AHNAK: variants seen among roughly 807,000 people sequenced by gnomAD.
AHNAK encodes the protein neuroblast differentiation-associated protein AHNAK.
A neutral mutation model predicts 37.8 loss-of-function variants in AHNAK; 23 were observed. The observed-to-expected ratio is 0.61, with a 90% CI of 0.44 to 0.86. The LOEUF is 0.86. Ranked by LOEUF, AHNAK falls within the 40% of genes least tolerant of loss-of-function variation. AHNAK has a pLI of 0.00. For missense variants in AHNAK, 7,411 were observed against 7,319.4 expected (o/e 1.01, Z -0.46); for synonymous variants, 2,481 against 2,636.3 (o/e 0.94, Z 1.80).
intron 5 of AHNAK, among the ~76,000 whole-genome samples, chr11:62,447,109 C>T (rs56140048): frequency 6.6e-6 from 1 of 152,030 alleles, no homozygotes; most frequent in South Asian, 2.1e-4. Flanking sequence ...CATCTAGGGG[C>T]TACTTCTCAG....
rs1940033517 is a variant in AHNAK at position 62,516,826 on chromosome 11, G to A, written c.17591C>T (p.Ser5864Phe). ...SLASKKSRLS[S>F]SSSNDSGNKV... ...ATTCCCACTGTCATTGCTAGAAGAG[G>A]AGGACAGTCGGGACTTCTTAGAGGC... Residue 5864 changes from serine (S) to phenylalanine (F), a missense_variant, in exon 5 of 5, where the codon TCC becomes TTC. Transcript: ENST00000378024. 3 of 1,614,030 alleles carry A rather than the reference G, an allele frequency of 1.9e-6. No homozygotes were observed. Among genetic ancestry groups the A allele is most frequent in the East Asian group, 2.2e-5 (1 of 44,890 alleles).
Position 62,524,561 on chromosome 11 carries a change from T to A in AHNAK, c.9856A>T (p.Met3286Leu). 1.2e-6 allele frequency: 2 copies of A among 1,613,998 alleles called. No homozygotes were observed. ...LKGPKLKMPD[M>L]HVNMPKISMP... ...GAGATCTTGGGCATGTTTACATGCA[T>A]GTCAGGCATCTTCAGTTTTGGACCT... is the stretch of plus-strand genomic sequence containing the variant. Residue 3286 changes from methionine (M) to leucine (L), a missense_variant, in exon 5 of 5, where the codon ATG (methionine) becomes TTG (leucine). By Grantham distance (15) the Met-to-Leu change is conservative. Coordinates refer to ENST00000378024, the MANE Select transcript of AHNAK (RefSeq NM_001620.3).
intron 1 of AHNAK, among the ~76,000 whole-genome samples, chr11:62,544,276 C>A (rs1436656283): frequency 6.6e-6 from 1 of 152,222 alleles, no homozygotes; most frequent in African/African-American, 2.4e-5. Flanking sequence ...CTGTGTCCCA[C>A]CCCTGGCCCT....
At position 62,520,717 on chromosome 11, in the gene AHNAK, A is replaced by C; in HGVS notation, c.13700T>G (p.Ile4567Ser). Residue 4567 changes from isoleucine to serine, a missense_variant, in exon 5 of 5, where the codon ATT (isoleucine) becomes AGT (serine). Coordinates refer to ENST00000378024, the MANE Select transcript of AHNAK (RefSeq NM_001620.3). ...GPKVGIDTPDIDIHGPEGKLK... is the reference protein window; with the variant it reads ...GPKVGIDTPDSDIHGPEGKLK... ...TTTCCCTTCTGGACCATGAATGTCA[A>C]TATCAGGAGTGTCAATGCCCACTTT... 6.2e-7 allele frequency: 1 copy of C among 1,614,134 alleles called. No homozygotes were observed. Among genetic ancestry groups the C allele is most frequent in the Non-Finnish European group, 8.5e-7 (1 of 1,180,026 alleles).
intron 5 of AHNAK, among the ~76,000 whole-genome samples, chr11:62,438,318 G>A (rs1046899557): frequency 1.3e-5 from 2 of 151,694 alleles, no homozygotes; most frequent in African/African-American, 2.4e-5. Context: ...GAGTAGCTGG[G>A]ATTACAGGTG....
Position 62,526,996 on chromosome 11 carries a change from G to A in AHNAK, c.7421C>T (p.Ser2474Phe), listed in dbSNP as rs768437718. 3.1e-6 allele frequency: 5 copies of A among 1,614,004 alleles called. No individual in the cohort carries two copies. The South Asian group carries it at 4.4e-5, about 14-fold the overall frequency. Residue 2474 changes from serine (S) to phenylalanine (F), a missense_variant, in exon 5 of 5, where the codon TCT becomes TTT. By Grantham distance (155) the Ser-to-Phe change is radical (BLOSUM62 -2). Transcript: ENST00000378024. ...AAGTTTACCTTCTACCTCAGGCACA[G>A]ACACATCCACATCCCCCTTGATTTT... The part of the protein sequence containing the change: ...GPKIKGDVDV[S>F]VPEVEGKLEV...
At chr11:62,461,139 T>TCC (rs1414336129) in intron 5 of AHNAK, among the ~76,000 whole-genome samples, 1 of 100,864 alleles carries the variant, frequency 9.9e-6, no homozygotes, top group African/African-American at 3.8e-5. Context: ...CCGGCCAAAT[T>TCC]CCCCTTTTTT....
rs746098499 is a variant in AHNAK, at chr11:62,519,335, T to C, written c.15082A>G (p.Ile5028Val). The C allele has an allele frequency of 6.2e-7, 1 of 1,614,112 alleles. No homozygotes were observed. The highest frequency in any genetic ancestry group is 1.7e-5 in the Admixed American group (1 of 60,006). Residue 5028 changes from isoleucine (I) to valine (V), a missense_variant, in exon 5 of 5, where the codon ATT becomes GTT. Transcript: ENST00000378024. ...GKKSKFKMPK[I>V]HMSGPKIKAK... ...TTAATCTTAGGACCACTCATATGAA[T>C]TTTAGGCATTTTAAACTTACTTTTC... is the stretch of plus-strand genomic sequence containing the variant.
chr11:62,517,108 AAGG>A lies in AHNAK; in HGVS notation c.17306_17308del (p.Ser5769del). On this transcript the variant is annotated inframe_deletion, in exon 5 of 5. Transcript: ENST00000378024. ...GTGCCGTGGCTTCTTACTTTTAAAT[AAGG>A]AGAATTTGCCTTTCGGTGAAGAGGC... 1 of 1,613,510 alleles carries A rather than the reference AAGG, an allele frequency of 6.2e-7. No individual in the cohort carries two copies. The highest frequency in any genetic ancestry group is 1.1e-5 in the South Asian group (1 of 91,052).
exon 6 of AHNAK, chr11:62,433,669 A>C (rs1392443178): frequency 3.2e-5 from 20 of 620,254 alleles, no homozygotes; most frequent in Non-Finnish European, 2.8e-6. Flanking sequence ...AAAGAAATGC[A>C]CCAAGCAGGG....
chr11:62,469,168 C>T (rs528159573), intron 5 of AHNAK, among the ~76,000 whole-genome samples: 42 of 152,238 alleles, frequency 2.8e-4, no homozygotes, highest in African/African-American at 1.0e-3. Flanking sequence ...GTTGCCCAGG[C>T]TGGAGTGCAG....
At chr11:62,458,774 C>A (rs1590598307) in intron 5 of AHNAK, among the ~76,000 whole-genome samples, 1 of 138,772 alleles carries the variant, frequency 7.2e-6, no homozygotes, top group East Asian at 2.2e-4. Flanking sequence ...GAACCACCTG[C>A]ACCAGACTCA....
In AHNAK at chr11:62,531,195, C is replaced by T. The variant is rs1356840394; in HGVS notation, c.3222G>A (p.Leu1074=). 1.9e-6 allele frequency: 3 copies of T among 1,613,898 alleles called. No individual in the cohort carries two copies. Among genetic ancestry groups the T allele is most frequent in the Non-Finnish European group, 2.5e-6 (3 of 1,180,018 alleles). The change falls in exon 5 of 5, where the codon CTG becomes CTA. Residue 1074 remains leucine, a synonymous_variant. Coordinates refer to ENST00000378024, the MANE Select transcript of AHNAK (RefSeq NM_001620.3). ...APKMSLPDVD[L]DLKGPKMKGN... Reference sequence around the variant, plus strand: ...CTTTCATTTTGGGTCCTTTAAGATCCAGGTCAACATCTGGCAAAGACATCT... The same window carrying T: ...CTTTCATTTTGGGTCCTTTAAGATCTAGGTCAACATCTGGCAAAGACATCT...
intron 1 of AHNAK, 135 bp from the exon 2 acceptor site, chr11:62,536,702 C>G (rs1454721750): frequency 6.6e-6 from 1 of 152,380 alleles, no homozygotes; most frequent in Non-Finnish European, 1.5e-5. Flanking sequence ...CCGTCAATTC[C>G]ACTCGTCCAT....
intron 5 of AHNAK, among the ~76,000 whole-genome samples, chr11:62,456,082 G>A (rs1938651735): frequency 6.6e-6 from 1 of 152,024 alleles, no homozygotes; most frequent in Non-Finnish European, 1.5e-5. Context: ...AGAGACACCA[G>A]GGGTACACAA....
At chr11:62,543,666 G>A (rs1941204889) in intron 1 of AHNAK, among the ~76,000 whole-genome samples, 1 of 152,198 alleles carries the variant, frequency 6.6e-6, no homozygotes, top group Non-Finnish European at 1.5e-5. Context: ...CAGGAACGCT[G>A]GAAATTGCTC....
intron 5 of AHNAK, among the ~76,000 whole-genome samples, chr11:62,489,696 T>A (rs1422223251): frequency 6.6e-6 from 1 of 151,726 alleles, no homozygotes; most frequent in African/African-American, 2.4e-5. Context: ...AGCCCAGATG[T>A]GCAGCCCTGG....
chr11:62,433,835 C>T (rs751915609), exon 6 of AHNAK: 26 of 1,612,350 alleles, frequency 1.6e-5, no homozygotes, highest in East Asian at 2.2e-5. Flanking sequence ...CTCCAAAGAA[C>T]GGTCACAAAA....
chr11:62,453,570 A>T (rs1565199049), intron 5 of AHNAK, among the ~76,000 whole-genome samples: 1 of 152,162 alleles, frequency 6.6e-6, no homozygotes, highest in Admixed American at 6.5e-5. Flanking sequence ...GCACTGCACC[A>T]CTGCCTTGCA....
Sources: gnomAD v4.1 joint callset for allele counts (sites outside exome capture counted in the v4.1 genomes callset) on GRCh38, gnomAD v4.1.1 for gene constraint, MANE v1.5 for transcripts, NCBI Gene and HGNC (gene_info 2026-07-23, HGNC 2026-07-21) for gene names.